Variants in TCP11 observed in about 807,000 individuals in gnomAD.
TCP11 encodes T-complex protein 11 homolog.
In TCP11, 34 loss-of-function variants were observed where a neutral mutation model predicts 45.0. The observed-to-expected ratio is 0.76, with a 90% CI of 0.57 to 1.01. The LOEUF (loss-of-function observed/expected upper bound fraction) is 1.01, where lower values mean the gene tolerates loss of function less well. TCP11 is among the 50% of genes least tolerant of loss of function. The pLI, the probability that TCP11 is intolerant of heterozygous loss-of-function variation, is 0.00. For missense variants in TCP11, 523 were observed against 598.1 expected (o/e 0.87, Z 1.31); for synonymous variants, 227 against 227.0 (o/e 1.00, Z 0.00).
chr6:35,120,906 T>C lies in TCP11; in HGVS notation c.715+3A>G, dbSNP rs111896916. On this transcript the variant is annotated splice_donor_region_variant and intron_variant, in intron 6 of 9. Coordinates refer to ENST00000311875, the MANE Select transcript of TCP11 (RefSeq NM_001370687.1). This position sits in a 1 kb window ranked among gnomAD's most constrained non-coding sequence, Gnocchi z 4.9. Reference sequence around the variant, plus strand: ...CACTCCTGCCCTCACATTATATACATACTAGGCTGCTTATTGAGGAGTTCC... The same window carrying C: ...CACTCCTGCCCTCACATTATATACACACTAGGCTGCTTATTGAGGAGTTCC... 13 of 1,613,302 alleles carry C rather than the reference T, an allele frequency of 8.1e-6. No individual in the cohort carries two copies. Among genetic ancestry groups the C allele is most frequent in the South Asian group, 6.6e-5 (6 of 90,924 alleles).
rs757961800 is a variant in TCP11 at position 35,141,209 on chromosome 6, T to C, written c.-19A>G. 6.2e-5 allele frequency: 87 copies of C among 1,402,310 alleles called. No individual in the cohort carries two copies. The highest frequency in any genetic ancestry group is 6.5e-6 in the Non-Finnish European group (7 of 1,080,084). The allele number at this position is 1,402,310 out of a possible 1,614,324, so 86.9% of individuals were successfully genotyped here. On this transcript the variant is annotated 5_prime_UTR_variant, in exon 1 of 10. Transcript: ENST00000311875. ...CTCCGGCTCCCAGGCCGTCACCTCCTCCTCCCCCGCCGCGGGTCATCCACT... is the reference window on the plus strand; with the variant it reads ...CTCCGGCTCCCAGGCCGTCACCTCCCCCTCCCCCGCCGCGGGTCATCCACT...
intron 2 of TCP11, among the ~76,000 whole-genome samples, chr6:35,138,876 C>CT (rs1046596742): frequency 1.5e-4 from 23 of 152,172 alleles, no homozygotes; most frequent in Admixed American, 1.4e-3. Flanking sequence ...ACTATGTACC[C>CT]ACAAAAATTT....
rs1455397304 is a variant in TCP11 at position 35,129,183 on chromosome 6, C to A, written c.237-1G>T. Reference sequence around the variant, plus strand: ...TGTCTCCTTGACCTTGCCTTCCAGACTATAAGAGGGTTAAATGAGCAGATT... The same window carrying A: ...TGTCTCCTTGACCTTGCCTTCCAGAATATAAGAGGGTTAAATGAGCAGATT... On this transcript the variant is annotated splice_acceptor_variant, in intron 3 of 9. Coordinates refer to ENST00000311875, the MANE Select transcript of TCP11 (RefSeq NM_001370687.1). LOFTEE classifies it high-confidence loss of function. The A allele has an allele frequency of 1.2e-6, 2 of 1,611,482 alleles. No homozygotes were observed. The highest frequency in any genetic ancestry group is 1.7e-6 in the Non-Finnish European group (2 of 1,179,348).
chr6:35,120,050 C>A lies in TCP11; in HGVS notation c.1115+109G>T. ...CCAACAATCTTTGTAGATGGTTCCA[C>A]AGGGCCTTTCTGTGGTTTGTGGTAG... On this transcript the variant is annotated intron_variant, in intron 8 of 9. Coordinates refer to ENST00000311875, the MANE Select transcript of TCP11 (RefSeq NM_001370687.1). The surrounding 1 kb of genome is among the most constrained non-coding windows in gnomAD (Gnocchi z 4.9). The A allele has an allele frequency of 7.3e-7, 1 of 1,362,780 alleles. No individual in the cohort carries two copies. Among genetic ancestry groups the A allele is most frequent in the East Asian group, 2.4e-5 (1 of 42,036 alleles). The allele number at this position is 1,362,780 out of a possible 1,614,324, so 84.4% of individuals were successfully genotyped here. A position where few individuals can be genotyped will look rare whatever the true frequency, so the allele number is the denominator to read the frequency against.
intron 9 of TCP11, 99 bp downstream of exon 9, chr6:35,119,129 G>A (rs984727852): frequency 2.0e-5 from 29 of 1,447,116 alleles, no homozygotes; most frequent in African/African-American, 1.8e-4. Flanking sequence ...AAACAATGAC[G>A]TACCTAATGA....
At position 35,129,172 on chromosome 6, in the gene TCP11, T is replaced by C; in HGVS notation, c.247A>G (p.Lys83Glu). ...GCATTGTGCACTGTCTCCTTGACCTTGCCTTCCAGACTATAAGAGGGTTAA... is the reference window on the plus strand; with the variant it reads ...GCATTGTGCACTGTCTCCTTGACCTCGCCTTCCAGACTATAAGAGGGTTAA... ...KVLPPSSLEG[K>E]VKETVHNAFW... The change falls in exon 4 of 10, where the codon AAG (lysine) becomes GAG (glutamate). Residue 83 changes from lysine to glutamate, a missense_variant. Transcript: ENST00000311875. 6.2e-7 allele frequency: 1 copy of C among 1,613,534 alleles called. No homozygotes were observed. Among genetic ancestry groups the C allele is most frequent in the Non-Finnish European group, 8.5e-7 (1 of 1,179,822 alleles).
chr6:35,140,510 T>C (rs1166487503), intron 2 of TCP11: 1 of 641,126 alleles, frequency 1.6e-6, no homozygotes, highest in Non-Finnish European at 2.9e-6. Context: ...ACCGACTCAG[T>C]CTCAAATCTT....
At chr6:35,122,734 T>C (rs919603172) in intron 4 of TCP11, among the ~76,000 whole-genome samples, 1 of 152,146 alleles carries the variant, frequency 6.6e-6, no homozygotes, top group African/African-American at 2.4e-5. Context: ...ATAGGAGCTG[T>C]TGCAAGTCAC....
At chr6:35,125,887 C>G (rs1210324629) in intron 4 of TCP11, among the ~76,000 whole-genome samples, 1 of 152,168 alleles carries the variant, frequency 6.6e-6, no homozygotes, top group Admixed American at 6.5e-5. Context: ...AAACATTACA[C>G]TAAGTTAAAC....
chr6:35,125,204 G>C (rs1170022947), intron 4 of TCP11, among the ~76,000 whole-genome samples: 1 of 145,378 alleles, frequency 6.9e-6, no homozygotes, highest in Non-Finnish European at 1.5e-5. Context: ...AAAAAAGAAA[G>C]AAAAAAGAAA....
At chr6:35,140,676 TGGGGGGGCCTGCG>T in intron 2 of TCP11, 58 bp downstream of exon 2, 1 of 759,962 alleles carries the variant, frequency 1.3e-6, no homozygotes, top group East Asian at 2.5e-5. Flanking sequence ...ACTTGGGGGA[TGGGGGGGCCTGCG>T]GACCCCCCAC....
At chr6:35,125,368 T>A (rs1779712374) in intron 4 of TCP11, among the ~76,000 whole-genome samples, 1 of 152,094 alleles carries the variant, frequency 6.6e-6, no homozygotes, top group Non-Finnish European at 1.5e-5. Flanking sequence ...AGTACCTGAG[T>A]AAACATTTCT....
intron 2 of TCP11, chr6:35,137,728 T>C (rs889196431): frequency 2.2e-6 from 1 of 453,512 alleles, no homozygotes; most frequent in Non-Finnish European, 4.4e-6. Flanking sequence ...CCGTATACAA[T>C]AAATCATATT....
rs1253767075 is a variant in TCP11 at position 35,122,326 on chromosome 6, T to C, written c.369A>G (p.Ser123=). 8 of 1,614,080 alleles carry C rather than the reference T, an allele frequency of 5.0e-6. No individual in the cohort carries two copies. The highest frequency in any genetic ancestry group is 6.8e-6 in the Non-Finnish European group (8 of 1,180,002). ...LLKEIKEILL[S]LLLPRQNRLR... is the part of the protein sequence containing the mutation. ...GGCGGTTCTGGCGTGGTAATAGCAG[T>C]GATAGCAAGATCTGCCCAGGAAAGA... Residue 123 remains serine, a synonymous_variant, in exon 5 of 10, where the codon TCA becomes TCG. Transcript: ENST00000311875.
chr6:35,136,435 T>C (rs1449262204), intron 2 of TCP11, among the ~76,000 whole-genome samples: 1 of 151,256 alleles, frequency 6.6e-6, no homozygotes, highest in Non-Finnish European at 1.5e-5. Context: ...GCAGGACAAA[T>C]AGCTAGTTTA....
At chr6:35,131,293 C>T (rs574209419) in intron 3 of TCP11, among the ~76,000 whole-genome samples, 6 of 150,962 alleles carry the variant, frequency 4.0e-5, no homozygotes, top group East Asian at 4.0e-4. Context: ...GAAGGCCGGG[C>T]GCGGTGGCTC....
Position 35,129,064 on chromosome 6 carries a change from C to T in TCP11, c.355G>A (p.Glu119Lys), listed in dbSNP as rs1780129285. Residue 119 changes from glutamate to lysine, a missense_variant and splice_region_variant, in exon 4 of 10, where the codon GAG (glutamate) becomes AAG (lysine). By Grantham distance (56) the Glu-to-Lys change is moderately conservative. Transcript: ENST00000311875. ...CALELLKEIK[E>K]ILLSLLLPRQ... ...TTTACAAATGGAAGGTCACTCACCT[C>T]TTTAATTTCTTTCAGAAGTTCAAGA... The T allele has an allele frequency of 6.2e-7, 1 of 1,613,700 alleles. No individual in the cohort carries two copies. The highest frequency in any genetic ancestry group is 1.3e-5 in the African/African-American group (1 of 74,910).
At chr6:35,131,029 T>C (rs1780365916) in intron 3 of TCP11, among the ~76,000 whole-genome samples, 1 of 152,170 alleles carries the variant, frequency 6.6e-6, no homozygotes, top group African/African-American at 2.4e-5. Flanking sequence ...AAAAAATGAT[T>C]TGGGAGGCTG....
chr6:35,134,818 G>A (rs978746271), intron 3 of TCP11, among the ~76,000 whole-genome samples: 1 of 152,112 alleles, frequency 6.6e-6, no homozygotes, highest in African/African-American at 2.4e-5. Flanking sequence ...TTCCCTTGAG[G>A]GTGGGCAGGA....
Sources: allele counts gnomAD v4.1 joint callset (sites outside exome capture counted in the v4.1 genomes callset), GRCh38; gene constraint gnomAD v4.1.1; non-coding constraint Gnocchi (gnomAD v3.1); transcripts MANE v1.5; gene names NCBI Gene and HGNC (gene_info 2026-07-23, HGNC 2026-07-21).